PTPRM: variants seen among roughly 807,000 people sequenced by gnomAD.
PTPRM encodes receptor-type tyrosine-protein phosphatase mu.
A neutral mutation model predicts 186.7 loss-of-function variants in PTPRM; 47 were observed. The observed-to-expected ratio is 0.25, with a 90% CI of 0.20 to 0.32. The LOEUF is 0.32. Ranked by LOEUF, PTPRM falls within the 10% of genes least tolerant of loss-of-function variation. PTPRM has a pLI of 1.00. For synonymous variants in PTPRM, 668 were observed against 674.9 expected (o/e 0.99, Z 0.16); for missense variants, 1,494 against 1,865.0 (o/e 0.80, Z 3.66).
intron 13 of PTPRM, among the ~76,000 whole-genome samples, chr18:8,116,377 C>T (rs1482941390): frequency 6.6e-6 from 1 of 152,186 alleles, no homozygotes; most frequent in Non-Finnish European, 1.5e-5. Context: ...AAAAGGGAAA[C>T]AGGTACTGCT....
intron 2 of PTPRM, among the ~76,000 whole-genome samples, chr18:7,810,957 G>A (rs2044479221): frequency 6.6e-6 from 1 of 152,050 alleles, no homozygotes; most frequent in Non-Finnish European, 1.5e-5. Flanking sequence ...CACATCCACA[G>A]TTTGGATATT....
chr18:8,061,366 G>T lies in PTPRM; in HGVS notation c.1133-8320G>T, dbSNP rs551895184. On this transcript the variant is annotated intron_variant, in intron 7 of 32. Transcript: ENST00000580170. ...TATGTGTGTCTCTGCACGTGAGATG[G>T]GTTTCCTGAATACAGCACACTGATG... Among the ~76,000 whole-genome samples, 919 of 138,562 alleles carry T rather than the reference G, an allele frequency of 6.6e-3. 8 individuals are homozygous for T. Among genetic ancestry groups the T allele is most frequent in the African/African-American group, 0.025 (852 of 34,438 alleles). The allele number at this position is 138,562 out of a possible 152,430, so 90.9% of individuals were successfully genotyped here. A position where few individuals can be genotyped will look rare whatever the true frequency, so the allele number is the denominator to read the frequency against.
rs1271335884 is a variant in PTPRM at position 8,170,475 on chromosome 18, C to T, written c.2300+26696C>T. On this transcript the variant is annotated intron_variant, in intron 14 of 32. Coordinates refer to ENST00000580170, the MANE Select transcript of PTPRM (RefSeq NM_001105244.2). ...TTCTCTCTGTGCAACAAGCACTTAACATTGTACTTGCTCAAGGGTTAAAAA... is the reference window on the plus strand; with the variant it reads ...TTCTCTCTGTGCAACAAGCACTTAATATTGTACTTGCTCAAGGGTTAAAAA... 2.0e-5 allele frequency among the ~76,000 whole-genome samples: 3 copies of T among 148,450 alleles called. No homozygotes were observed. In the East Asian group the frequency reaches 5.9e-4, roughly 29 times the overall value.
chr18:7,904,876 A>G (rs148515765), intron 3 of PTPRM, among the ~76,000 whole-genome samples: 150 of 152,350 alleles, frequency 9.8e-4, no homozygotes, highest in African/African-American at 3.4e-3. Context: ...GGAGGTCAAA[A>G]TAACATTCAT....
chr18:7,911,615 T>C (rs539540916), intron 4 of PTPRM, among the ~76,000 whole-genome samples: 7 of 152,314 alleles, frequency 4.6e-5, no homozygotes, highest in Admixed American at 4.6e-4. Flanking sequence ...TATATCTACA[T>C]ACAAATTCCT....
At chr18:7,737,597 G>A (rs1318556630) in intron 1 of PTPRM, among the ~76,000 whole-genome samples, 1 of 152,200 alleles carries the variant, frequency 6.6e-6, no homozygotes, top group Non-Finnish European at 1.5e-5. Context: ...AAATACCTGT[G>A]GACTGGCTGG....
intron 1 of PTPRM, among the ~76,000 whole-genome samples, chr18:7,771,991 A>C (rs1339420017): frequency 6.6e-6 from 1 of 152,246 alleles, no homozygotes; most frequent in Non-Finnish European, 1.5e-5. Flanking sequence ...CAAAAGCCGT[A>C]TGGGATTTCA....
chr18:7,881,207 A>G (rs150142665), intron 2 of PTPRM, among the ~76,000 whole-genome samples: 8 of 152,164 alleles, frequency 5.3e-5, no homozygotes, highest in Non-Finnish European at 1.0e-4. Context: ...GGCTGAGGCA[A>G]GTGGATCACC....
At chr18:7,927,529 C>T (rs1229618508) in intron 5 of PTPRM, among the ~76,000 whole-genome samples, 1 of 151,428 alleles carries the variant, frequency 6.6e-6, no homozygotes, top group Non-Finnish European at 1.5e-5. Context: ...CTGAGTTGAA[C>T]TGTCCTTCGG....
intron 1 of PTPRM, among the ~76,000 whole-genome samples, chr18:7,761,452 C>T (rs1219255700): frequency 1.3e-5 from 2 of 152,082 alleles, no homozygotes; most frequent in Admixed American, 6.6e-5. Flanking sequence ...ACATAAAGTC[C>T]GTGTGCTTTT....
At chr18:7,693,324 A>G (rs1430469106) in intron 1 of PTPRM, among the ~76,000 whole-genome samples, 2 of 152,288 alleles carry the variant, frequency 1.3e-5, no homozygotes, top group African/African-American at 4.8e-5. Context: ...CCACTGTTAC[A>G]TAGGGCTCAT....
intron 4 of PTPRM, among the ~76,000 whole-genome samples, chr18:7,919,010 T>C (rs1262693778): frequency 1.3e-5 from 2 of 152,178 alleles, no homozygotes. Context: ...TTTCTGCATA[T>C]TGTTCTCCTG....
chr18:8,395,739 G>A (rs7231964), intron 32 of PTPRM, among the ~76,000 whole-genome samples: 8,046 of 152,136 alleles, frequency 0.053, 742 homozygotes, highest in African/African-American at 0.19. Context: ...AGACTCCTGC[G>A]CCCCTCCTCC....
Position 7,568,852 on chromosome 18 carries a change from C to G in PTPRM, c.73+961C>G, listed in dbSNP as rs2036503036. ...GGCACGCTGTCACAGGGGTTTACAACCAGGATGACCTTTATTACCTGGGTG... is the reference window on the plus strand; with the variant it reads ...GGCACGCTGTCACAGGGGTTTACAAGCAGGATGACCTTTATTACCTGGGTG... On this transcript the variant is annotated intron_variant, in intron 1 of 32. Coordinates refer to ENST00000580170, the MANE Select transcript of PTPRM (RefSeq NM_001105244.2). This position sits in a 1 kb window ranked among gnomAD's most constrained non-coding sequence, Gnocchi z 5.1. 6.6e-6 allele frequency among the ~76,000 whole-genome samples: 1 copy of G among 152,182 alleles called. No homozygotes were observed. Among genetic ancestry groups the G allele is most frequent in the Non-Finnish European group, 1.5e-5 (1 of 68,038 alleles).
At chr18:7,792,552 T>A (rs2043393176) in intron 2 of PTPRM, among the ~76,000 whole-genome samples, 1 of 152,228 alleles carries the variant, frequency 6.6e-6, no homozygotes, top group Admixed American at 6.5e-5. Flanking sequence ...ACTCTTGCTA[T>A]CCATTGATTA....
At chr18:7,641,488 A>C (rs2038442090) in intron 1 of PTPRM, among the ~76,000 whole-genome samples, 1 of 152,224 alleles carries the variant, frequency 6.6e-6, no homozygotes, top group Non-Finnish European at 1.5e-5. Flanking sequence ...ATGAAAAAAA[A>C]CACACATCTT....
chr18:7,745,104 A>G (rs2040957838), intron 1 of PTPRM, among the ~76,000 whole-genome samples: 1 of 151,918 alleles, frequency 6.6e-6, no homozygotes. Context: ...TAAACATTCC[A>G]TCTTCTCTGC....
intron 8 of PTPRM, among the ~76,000 whole-genome samples, chr18:8,075,219 T>C (rs1427043369): frequency 6.6e-6 from 1 of 152,146 alleles, no homozygotes; most frequent in South Asian, 2.1e-4. Context: ...TAAGGGTTTC[T>C]TGAGTACTGG....
chr18:7,847,462 T>C (rs181749137), intron 2 of PTPRM, among the ~76,000 whole-genome samples: 2 of 152,254 alleles, frequency 1.3e-5, no homozygotes, highest in Admixed American at 6.5e-5. Flanking sequence ...CCCCCATGCC[T>C]GTCCACAAAT....
Sources: allele counts gnomAD v4.1 joint callset (sites outside exome capture counted in the v4.1 genomes callset), GRCh38; gene constraint gnomAD v4.1.1; non-coding constraint Gnocchi (gnomAD v3.1); transcripts MANE v1.5; gene names NCBI Gene and HGNC (gene_info 2026-07-23, HGNC 2026-07-21).